BBS7: variants seen among roughly 807,000 people sequenced by gnomAD.
BBS7 encodes the protein BBSome complex member BBS7.
A neutral mutation model predicts 90.3 loss-of-function variants in BBS7; 50 were observed. That is an observed-to-expected ratio of 0.55 (90% confidence interval 0.44 to 0.70). BBS7 has a LOEUF of 0.70. BBS7 is among the 30% of genes least tolerant of loss of function. BBS7 has a pLI of 0.00. For synonymous variants in BBS7, 235 were observed against 287.4 expected, an observed-to-expected ratio of 0.82 and a Z score of 1.85; for missense variants, 729 against 838.9, an observed-to-expected ratio of 0.87 and a Z score of 1.62.
At chr4:121,834,126 TAAATC>T (rs1725330916) in intron 14 of BBS7, among the ~76,000 whole-genome samples, 1 of 152,128 alleles carries the variant, frequency 6.6e-6, no homozygotes, top group South Asian at 2.1e-4. Context: ...TAATTTAAAA[TAAATC>T]AGATGGATAA....
intron 2 of BBS7, among the ~76,000 whole-genome samples, chr4:121,864,763 T>C (rs1727166306): frequency 6.6e-6 from 1 of 152,178 alleles, no homozygotes; most frequent in Admixed American, 6.5e-5. Flanking sequence ...TTTTATTTTA[T>C]TCATTTATTT....
chr4:121,865,427 T>A (rs1578573803), intron 2 of BBS7, among the ~76,000 whole-genome samples: 2 of 152,032 alleles, frequency 1.3e-5, no homozygotes, highest in South Asian at 4.1e-4. Context: ...TTAGTACAGA[T>A]GGGGTTTCAC....
chr4:121,829,508 T>C (rs1725073419), intron 15 of BBS7, among the ~76,000 whole-genome samples: 1 of 152,202 alleles, frequency 6.6e-6, no homozygotes, highest in South Asian at 2.1e-4. Flanking sequence ...AGTGCTGGGA[T>C]TACAGGCATG....
chr4:121,870,440 G>A lies in BBS7; in HGVS notation c.-127C>T, dbSNP rs1727528353. The A allele has an allele frequency of 5.4e-6, 6 of 1,101,548 alleles. No homozygotes were observed. The highest frequency in any genetic ancestry group is 2.6e-5 in the South Asian group (2 of 76,530). The allele number at this position is 1,101,548 out of a possible 1,614,324, so 68.2% of individuals were successfully genotyped here. A position where few individuals can be genotyped will look rare whatever the true frequency, so the allele number is the denominator to read the frequency against. On this transcript the variant is annotated 5_prime_UTR_variant, in exon 1 of 19. Transcript: ENST00000264499. ...CTCAAAAGCCAGCCCCAGCTACCGC[G>A]CCTAGGTCCTGGGCTGCACAGGCGG...
Position 121,868,007 on chromosome 4 carries a change from C to G in BBS7, c.76G>C (p.Ala26Pro). ...TSQKTMKLIP[A>P]SRHRATQKVV... ...TTTTGTGTAGCTCTGTGTCTTGAGG[C>G]AGGAATTAGCTTCATAGTCTTCTGA... Residue 26 changes from alanine to proline, a missense_variant, in exon 2 of 19, where the codon GCC (alanine) becomes CCC (proline). Ala to Pro is a conservative substitution (Grantham distance 27). Coordinates refer to ENST00000264499, the MANE Select transcript of BBS7 (RefSeq NM_176824.3). 1.2e-6 allele frequency: 2 copies of G among 1,613,534 alleles called. No individual in the cohort carries two copies. Among genetic ancestry groups the G allele is most frequent in the Non-Finnish European group, 1.7e-6 (2 of 1,179,640 alleles).
chr4:121,851,590 G>T (rs986104361), intron 8 of BBS7, among the ~76,000 whole-genome samples: 4 of 152,084 alleles, frequency 2.6e-5, no homozygotes, highest in African/African-American at 9.7e-5. Context: ...ACAAAAAAAA[G>T]AACTTGGTCC....
chr4:121,840,474 T>C (rs1169404382), intron 12 of BBS7, among the ~76,000 whole-genome samples: 2 of 152,348 alleles, frequency 1.3e-5, no homozygotes, highest in Admixed American at 6.5e-5. Context: ...CAAATACTTA[T>C]ACAGGAAAGA....
intron 7 of BBS7, 118 bp from the exon 8 acceptor site, chr4:121,853,204 T>A: frequency 9.7e-7 from 1 of 1,025,858 alleles, no homozygotes; most frequent in East Asian, 2.6e-5. Flanking sequence ...AAAAAAACTT[T>A]GACCAAAATC....
At chr4:121,867,951 A>T (rs774661763) in intron 2 of BBS7, 30 bp downstream of exon 2, 1 of 1,563,030 alleles carries the variant, frequency 6.4e-7, no homozygotes, top group African/African-American at 1.4e-5. Flanking sequence ...CTGCTAGGGA[A>T]TAGTGGAGAA....
Position 121,854,801 on chromosome 4 carries a change from A to G in BBS7, c.621T>C (p.Leu207=). ...GTTTTCCGTCTGATGTCCCAAACAA[A>G]AGGTCTTCTCCAGAGTCACCTACTT... is the stretch of plus-strand genomic sequence containing the variant. The part of the protein sequence containing the change: ...NGNGGDSGED[L]LFGTSDGKLA... Residue 207 remains leucine (L), a synonymous_variant, in exon 7 of 19, where the codon CTT becomes CTC. Coordinates refer to ENST00000264499, the MANE Select transcript of BBS7 (RefSeq NM_176824.3). The G allele has an allele frequency of 2.5e-6, 4 of 1,612,342 alleles. No individual in the cohort carries two copies. Among genetic ancestry groups the G allele is most frequent in the Non-Finnish European group, 3.4e-6 (4 of 1,178,838 alleles).
intron 5 of BBS7, among the ~76,000 whole-genome samples, chr4:121,857,298 T>G (rs1726733532): frequency 6.6e-6 from 1 of 151,954 alleles, no homozygotes; most frequent in African/African-American, 2.4e-5. Context: ...TAAATTTTTT[T>G]TAAGAGATGG....
chr4:121,854,974 T>A (rs1416236290), intron 6 of BBS7, among the ~76,000 whole-genome samples, 154 bp from the exon 7 acceptor site: 1 of 152,194 alleles, frequency 6.6e-6, no homozygotes, highest in Non-Finnish European at 1.5e-5. Context: ...CACACAATTT[T>A]ATAGCTATAA....
At chr4:121,846,709 G>T (rs1410691563) in intron 10 of BBS7, among the ~76,000 whole-genome samples, 1 of 152,172 alleles carries the variant, frequency 6.6e-6, no homozygotes, top group Non-Finnish European at 1.5e-5. Flanking sequence ...TGGCTTTGGT[G>T]AAACGGCTTG....
chr4:121,855,695 C>T (rs1261336954), intron 5 of BBS7, 134 bp from the exon 6 acceptor site: 15 of 812,752 alleles, frequency 1.8e-5, no homozygotes, highest in Admixed American at 4.2e-5. Context: ...AATTAGGTTA[C>T]GAATACAACT....
At chr4:121,857,908 G>A (rs1409261155) in intron 5 of BBS7, among the ~76,000 whole-genome samples, 1 of 151,396 alleles carries the variant, frequency 6.6e-6, no homozygotes, top group Non-Finnish European at 1.5e-5. Context: ...CTGGGTTCGA[G>A]TGATTCTTGT....
rs1727482860 is a variant in BBS7, at chr4:121,869,762, C to T, written c.36+516G>A. ...CCATGTAGGCTAGGCTGGTCTCGAA[C>T]TGCTGACCTTAGGTGATCCGCCCGC... On this transcript the variant is annotated intron_variant, in intron 1 of 18. Coordinates refer to ENST00000264499, the MANE Select transcript of BBS7 (RefSeq NM_176824.3). Among the ~76,000 whole-genome samples, 5 of 152,206 alleles carry T rather than the reference C, an allele frequency of 3.3e-5. No individual in the cohort carries two copies. The South Asian group carries it at 1.0e-3, about 32-fold the overall frequency.
At chr4:121,838,344 T>C (rs1436999002) in intron 13 of BBS7, among the ~76,000 whole-genome samples, 2 of 149,294 alleles carry the variant, frequency 1.3e-5, no homozygotes, top group Non-Finnish European at 3.0e-5. Flanking sequence ...AAACAAATAT[T>C]GTGTAACAGC....
At chr4:121,870,211 AAG>A in intron 1 of BBS7, 65 bp downstream of exon 1, 1 of 1,601,068 alleles carries the variant, frequency 6.2e-7, no homozygotes, top group Non-Finnish European at 8.6e-7. Flanking sequence ...TCGTCAGTGG[AAG>A]GAAGGAATCC....
At chr4:121,861,376 T>C (rs1465703829) in intron 4 of BBS7, 128 bp downstream of exon 4, 8 of 913,506 alleles carry the variant, frequency 8.8e-6, no homozygotes, top group Non-Finnish European at 1.3e-5. Flanking sequence ...AGTTTCTGAC[T>C]AATAAAATAC....
Sources: gnomAD v4.1 joint callset for allele counts (sites outside exome capture counted in the v4.1 genomes callset) on GRCh38, gnomAD v4.1.1 for gene constraint, MANE v1.5 for transcripts, NCBI Gene and HGNC (gene_info 2026-07-23, HGNC 2026-07-21) for gene names.